FGD2: variants seen among roughly 807,000 people sequenced by gnomAD.
The protein encoded by FGD2 is FYVE, RhoGEF and PH domain-containing protein 2.
FGD2 carries 52 observed loss-of-function variants against 75.9 expected under a neutral mutation model. The ratio of observed to expected loss-of-function variants is 0.69; its 90% confidence interval spans 0.55 to 0.86. The LOEUF (loss-of-function observed/expected upper bound fraction) is 0.86. Among genes scored for constraint, FGD2 ranks in the 40% least tolerant of loss-of-function variants. FGD2 has a pLI of 0.00. For missense variants in FGD2, 790 were observed against 872.0 expected, an observed-to-expected ratio of 0.91 and a Z score of 1.18; for synonymous variants, 347 against 348.6, an observed-to-expected ratio of 1.00 and a Z score of 0.05.
At chr6:37,020,044 G>A (rs2150779560) in intron 9 of FGD2, among the ~76,000 whole-genome samples, 1 of 151,950 alleles carries the variant, frequency 6.6e-6, no homozygotes, top group East Asian at 1.9e-4. Context: ...GAAGAGATGG[G>A]TTTCACCATA....
intron 9 of FGD2, among the ~76,000 whole-genome samples, chr6:37,016,557 C>T (rs9470453): frequency 0.014 from 2,012 of 147,818 alleles, 34 homozygotes; most frequent in African/African-American, 0.046. Flanking sequence ...TTTTTGAGAC[C>T]GAGTCTCACT....
In FGD2 at chr6:37,005,814, C is replaced by T. The variant is rs1764721816; in HGVS notation, c.-4C>T. The T allele has an allele frequency of 1.2e-6, 2 of 1,613,690 alleles. No homozygotes were observed. Among genetic ancestry groups the T allele is most frequent in the African/African-American group, 1.3e-5 (1 of 75,050 alleles). ...AGCTGAGATCCACCCCGGAAACCGG[C>T]AGGATGAAGGGGGCAAGTGAGGAGA... On this transcript the variant is annotated 5_prime_UTR_variant, in exon 1 of 16. Coordinates refer to ENST00000274963, the MANE Select transcript of FGD2 (RefSeq NM_173558.4).
At chr6:37,012,409 GT>G (rs201181886) in intron 4 of FGD2, among the ~76,000 whole-genome samples, 4 of 151,308 alleles carry the variant, frequency 2.6e-5, no homozygotes, top group Admixed American at 1.3e-4. Context: ...ATAAACTGTT[GT>G]TTTTTTTTAA....
chr6:37,025,734 G>C (rs1165470207), intron 13 of FGD2, 58 bp from the exon 14 acceptor site: 2 of 1,604,290 alleles, frequency 1.2e-6, no homozygotes, highest in African/African-American at 2.7e-5. Context: ...ACCAAGGCAG[G>C]AGCCCAGCCC....
chr6:37,019,124 C>G (rs978156515), intron 9 of FGD2, among the ~76,000 whole-genome samples: 9 of 152,188 alleles, frequency 5.9e-5, no homozygotes, highest in African/African-American at 2.2e-4. Context: ...TTTTCCCTTT[C>G]CCCTCTCCCT....
intron 15 of FGD2, 49 bp from the exon 16 acceptor site, chr6:37,027,899 C>T: frequency 6.3e-7 from 1 of 1,589,388 alleles, no homozygotes; most frequent in Non-Finnish European, 8.6e-7. Flanking sequence ...CTATCTGGGG[C>T]AGTAGGACTG....
intron 11 of FGD2, 135 bp from the exon 12 acceptor site, chr6:37,021,377 C>T (rs757712414): frequency 7.2e-5 from 51 of 704,358 alleles, no homozygotes; most frequent in Non-Finnish European, 1.1e-4. Context: ...AGGCAGCCCG[C>T]GTGTGTGTAG....
intron 1 of FGD2, among the ~76,000 whole-genome samples, chr6:37,007,332 T>C (rs1030549564): frequency 6.6e-5 from 10 of 152,134 alleles, no homozygotes; most frequent in Non-Finnish European, 1.5e-4. Flanking sequence ...GCTGGGTGAT[T>C]CTCCCCTGCC....
chr6:37,019,384 G>A (rs1765455756), intron 9 of FGD2, among the ~76,000 whole-genome samples: 1 of 152,262 alleles, frequency 6.6e-6, no homozygotes, highest in African/African-American at 2.4e-5. Flanking sequence ...AGACTGGGGA[G>A]TGAGGCTGCA....
chr6:37,024,957 C>T (rs1765748594), intron 13 of FGD2: 1 of 152,428 alleles, frequency 6.6e-6, no homozygotes, highest in Admixed American at 6.5e-5. Flanking sequence ...GCTGGTGCCG[C>T]CTGATGAACT....
rs764326106 is a variant in FGD2 at position 37,022,263 on chromosome 6, C to T, written c.1351C>T (p.Arg451Trp). Residue 451 changes from arginine to tryptophan, a missense_variant, in exon 13 of 16, where the codon CGG becomes TGG. By Grantham distance (101) the Arg-to-Trp change is moderately radical. Coordinates refer to ENST00000274963, the MANE Select transcript of FGD2 (RefSeq NM_173558.4). ...QELQSEELGLRAPQWVRDKMV... is the reference protein window; with the variant it reads ...QELQSEELGLWAPQWVRDKMV... The stretch of plus-strand genomic sequence containing the variant: ...GCTGCAGTCTGAGGAGCTGGGCCTC[C>T]GGGCACCGCAGTGGGTCCGGGACAA... 21 of 1,593,300 alleles carry T rather than the reference C, an allele frequency of 1.3e-5. No individual in the cohort carries two copies. The highest frequency in any genetic ancestry group is 1.2e-4 in the Admixed American group (7 of 56,354).
chr6:37,015,941 G>C, intron 9 of FGD2, 81 bp downstream of exon 9: 1 of 1,300,250 alleles, frequency 7.7e-7, no homozygotes, highest in Non-Finnish European at 1.1e-6. Context: ...GGCCAACCAG[G>C]TTCTCAATCA....
In FGD2 at chr6:37,022,357, G is replaced by T; in HGVS notation, c.1445G>T (p.Arg482Leu). ...CTGACGCGCCGTCGCCACCACTGCCGGGCCTGCGGCTATGTGAGTACTCCT... is the reference window on the plus strand; with the variant it reads ...CTGACGCGCCGTCGCCACCACTGCCTGGCCTGCGGCTATGTGAGTACTCCT... The part of the protein sequence containing the change: ...NALTRRRHHC[R>L]ACGYVVCARC... Residue 482 changes from arginine (R) to leucine (L), a missense_variant, in exon 13 of 16, where the codon CGG (arginine) becomes CTG (leucine). Arg to Leu is a moderately radical substitution (Grantham distance 102). Coordinates refer to ENST00000274963, the MANE Select transcript of FGD2 (RefSeq NM_173558.4). The T allele has an allele frequency of 6.3e-7, 1 of 1,582,626 alleles. No individual in the cohort carries two copies. The highest frequency in any genetic ancestry group is 8.6e-7 in the Non-Finnish European group (1 of 1,167,344).
rs1048246619 is a variant in FGD2 at position 37,011,617 on chromosome 6, A to G, written c.379-89A>G. ...GGAGATCAGGGAGGTGGAAGCATGC[A>G]GTAGGCTTGGTGGGACCCTAGTTCC... is the stretch of plus-strand genomic sequence containing the variant. On this transcript the variant is annotated intron_variant, in intron 3 of 15. Coordinates refer to ENST00000274963, the MANE Select transcript of FGD2 (RefSeq NM_173558.4). 2.6e-6 allele frequency: 4 copies of G among 1,554,502 alleles called. No individual in the cohort carries two copies. In the African/African-American group the frequency reaches 4.1e-5, roughly 16 times the overall value.
rs1351777364 is a variant in FGD2 at position 37,020,192 on chromosome 6, G to A, written c.1123-349G>A. On this transcript the variant is annotated intron_variant, in intron 9 of 15. Transcript: ENST00000274963. ...AATGTTTTATTATGAAAATTTTAAAGCCAAGAAAACGGTATAATGAACCTC... is the reference window on the plus strand; with the variant it reads ...AATGTTTTATTATGAAAATTTTAAAACCAAGAAAACGGTATAATGAACCTC... Among the ~76,000 whole-genome samples the A allele has an allele frequency of 2.0e-5, 3 of 152,296 alleles. No individual in the cohort carries two copies. In the East Asian group the frequency reaches 5.8e-4, roughly 29 times the overall value.
rs1765946538 is a variant in FGD2 at position 37,028,615 on chromosome 6, C to CTTTTTTTTTTTTTTGTTTTTTTT, written c.*466_*467insGTTTTTTTTTTTTTTTTTTTTTT. ...GGCTGAGTTGGGGGAGGCATGGGGT[C>CTTTTTTTTTTTTTTGTTTTTTTT]TTTTTTTTTTTTTTTTTGAGACAGA... is the stretch of plus-strand genomic sequence containing the variant. On this transcript the variant is annotated 3_prime_UTR_variant, in exon 16 of 16. Coordinates refer to ENST00000274963, the MANE Select transcript of FGD2 (RefSeq NM_173558.4). 2 of 79,024 alleles carry CTTTTTTTTTTTTTTGTTTTTTTT rather than the reference C, an allele frequency of 2.5e-5. 1 individual carries two copies. Among genetic ancestry groups the CTTTTTTTTTTTTTTGTTTTTTTT allele is most frequent in the Non-Finnish European group, 4.5e-5 (2 of 44,274 alleles). The allele number at this position is 79,024 out of a possible 1,614,324, so 4.9% of individuals were successfully genotyped here. A position where few individuals can be genotyped will look rare whatever the true frequency, so the allele number is the denominator to read the frequency against.
intron 9 of FGD2, among the ~76,000 whole-genome samples, chr6:37,016,929 A>C (rs1241782095): frequency 6.6e-6 from 1 of 152,152 alleles, no homozygotes; most frequent in Non-Finnish European, 1.5e-5. Context: ...AAATATATAC[A>C]ATGAAAGTCT....
At chr6:37,025,606 C>T (rs541168796) in intron 13 of FGD2, 186 bp from the exon 14 acceptor site, 3 of 624,372 alleles carry the variant, frequency 4.8e-6, no homozygotes, top group Middle Eastern at 4.3e-4. Context: ...TGTGTCGCAG[C>T]CTCCAGGCAG....
intron 12 of FGD2, 178 bp downstream of exon 12, chr6:37,021,782 T>G: frequency 1.7e-6 from 1 of 601,504 alleles, no homozygotes. Flanking sequence ...AGCATTCCCC[T>G]TTAGCAAAAC....
Sources: gnomAD v4.1 joint callset for allele counts (sites outside exome capture counted in the v4.1 genomes callset) on GRCh38, gnomAD v4.1.1 for gene constraint, MANE v1.5 for transcripts, NCBI Gene and HGNC (gene_info 2026-07-23, HGNC 2026-07-21) for gene names.